PHF7: variants seen among roughly 807,000 people sequenced by gnomAD.
PHF7 encodes PHD finger protein 7.
A neutral mutation model predicts 47.5 loss-of-function variants in PHF7; 24 were observed. That is an observed-to-expected ratio of 0.51 (90% CI 0.37 to 0.71). PHF7 has a LOEUF of 0.71. PHF7 is among the 30% of genes least tolerant of loss of function. The pLI, the probability that PHF7 is intolerant of heterozygous loss-of-function variation, is 0.00. For synonymous variants in PHF7, 156 were observed against 153.8 expected (o/e 1.01, Z -0.11); for missense variants, 361 against 456.8 (o/e 0.79, Z 1.91).
At chr3:52,422,582 A>C in intron 9 of PHF7, 178 bp from the exon 10 acceptor site, 2 of 700,604 alleles carry the variant, frequency 2.9e-6, no homozygotes, top group Middle Eastern at 5.1e-4. Flanking sequence ...TTCCTAATCT[A>C]CCTTTCAAGG....
At chr3:52,422,538 G>A (rs924101535) in intron 9 of PHF7, 200 bp downstream of exon 9, 19 of 647,774 alleles carry the variant, frequency 2.9e-5, no homozygotes, top group Middle Eastern at 6.6e-4. Context: ...GCTTCACCTT[G>A]TGCCCAGTGG....
In PHF7 at chr3:52,414,487, C is replaced by G; in HGVS notation, c.95-9C>G. On this transcript the variant is annotated splice_polypyrimidine_tract_variant and intron_variant, in intron 3 of 10. Coordinates refer to ENST00000327906, the MANE Select transcript of PHF7 (RefSeq NM_016483.7). ...ATTTGAGCCAAATTCTGGGTGTCCT[C>G]TCTTCCAGTTTGCTGGCTATGCCTT... The G allele has an allele frequency of 6.3e-7, 1 of 1,577,102 alleles. No homozygotes were observed. The highest frequency in any genetic ancestry group is 1.1e-5 in the South Asian group (1 of 89,664).
At chr3:52,411,351 C>G (rs1705424875) in intron 1 of PHF7, 104 bp downstream of exon 1, 1 of 152,342 alleles carries the variant, frequency 6.6e-6, no homozygotes, top group Admixed American at 6.5e-5. Context: ...TCAGGACATG[C>G]CCTTCTCTCT....
chr3:52,417,082 A>G (rs1578241870), intron 4 of PHF7, among the ~76,000 whole-genome samples: 1 of 152,248 alleles, frequency 6.6e-6, no homozygotes, highest in East Asian at 1.9e-4. Context: ...TTACCTACCC[A>G]TAGAATTGCC....
chr3:52,422,124 T>TG, intron 8 of PHF7, 98 bp from the exon 9 acceptor site: 1 of 844,112 alleles, frequency 1.2e-6, no homozygotes, highest in Non-Finnish European at 2.1e-6. Context: ...ACTGAACTCT[T>TG]GCTGTGCTTA....
intron 4 of PHF7, among the ~76,000 whole-genome samples, chr3:52,415,662 C>T (rs1705601197): frequency 6.6e-6 from 1 of 152,166 alleles, no homozygotes; most frequent in Admixed American, 6.5e-5. Context: ...TGGCTTTTTT[C>T]TCCCAACACA....
At chr3:52,416,645 T>C (rs1433272363) in intron 4 of PHF7, among the ~76,000 whole-genome samples, 3 of 150,954 alleles carry the variant, frequency 2.0e-5, no homozygotes, top group Non-Finnish European at 3.0e-5. Flanking sequence ...CCATCCTGGC[T>C]AACACGGTGA....
intron 2 of PHF7, 52 bp from the exon 3 acceptor site, chr3:52,413,944 T>C (rs1705541764): frequency 8.1e-7 from 1 of 1,240,902 alleles, no homozygotes; most frequent in East Asian, 2.3e-5. Flanking sequence ...TTAAAAAGGT[T>C]ATCAACAAGA....
chr3:52,416,601 G>A (rs1384311873), intron 4 of PHF7, among the ~76,000 whole-genome samples: 1 of 151,552 alleles, frequency 6.6e-6, no homozygotes, highest in Non-Finnish European at 1.5e-5. Flanking sequence ...TTGGGAGGCC[G>A]AGGCGAGCAG....
intron 4 of PHF7, among the ~76,000 whole-genome samples, chr3:52,417,154 C>T (rs977597407): frequency 5.3e-5 from 8 of 152,130 alleles, no homozygotes; most frequent in Admixed American, 3.9e-4. Flanking sequence ...CTATTTATGT[C>T]ATTGATCTAT....
rs145247091 is a variant in PHF7, at chr3:52,420,944, A to G, written c.455A>G (p.His152Arg). ...DKHRPTQNIQ[H>R]GHVGEESCIL... The stretch of plus-strand genomic sequence containing the variant: ...CATCGCCCAACACAGAACATCCAAC[A>G]TGGGCATGTGGGGGAGGAAAGCTGC... The change falls in exon 7 of 11, where the codon CAT becomes CGT. Residue 152 changes from histidine to arginine, a missense_variant. Coordinates refer to ENST00000327906, the MANE Select transcript of PHF7 (RefSeq NM_016483.7). 8.1e-6 allele frequency: 13 copies of G among 1,613,288 alleles called. No individual in the cohort carries two copies. Among genetic ancestry groups the G allele is most frequent in the Non-Finnish European group, 1.1e-5 (13 of 1,179,558 alleles).
Position 52,420,430 on chromosome 3 carries a change from G to T in PHF7, c.408G>T (p.Glu136Asp), listed in dbSNP as rs936998733. Reference sequence around the variant, plus strand: ...GTTGCCTTTCACAATTTTTTGGAGAGTACAAGTGAGTGAGGGAAGGGAAAA... The same window carrying T: ...GTTGCCTTTCACAATTTTTTGGAGATTACAAGTGAGTGAGGGAAGGGAAAA... ...ERGCLSQFFG[E>D]YKSFCDKHRP... The change falls in exon 6 of 11, where the codon GAG (glutamate) becomes GAT (aspartate). Residue 136 changes from glutamate to aspartate, a missense_variant. Glu to Asp is a conservative substitution (Grantham distance 45, BLOSUM62 2). Coordinates refer to ENST00000327906, the MANE Select transcript of PHF7 (RefSeq NM_016483.7). 1 of 1,613,906 alleles carries T rather than the reference G, an allele frequency of 6.2e-7. No individual in the cohort carries two copies. The highest frequency in any genetic ancestry group is 1.7e-5 in the Admixed American group (1 of 59,982).
chr3:52,422,598 C>T (rs1311905437), intron 9 of PHF7, 162 bp from the exon 10 acceptor site: 21 of 768,570 alleles, frequency 2.7e-5, no homozygotes, highest in Non-Finnish European at 4.0e-5. Flanking sequence ...CAAGGGGTTA[C>T]GACTGATGGC....
rs1705409105 is a variant in PHF7 at position 52,411,012 on chromosome 3, T to A, written c.-305T>A. 1 of 152,286 alleles carries A rather than the reference T, an allele frequency of 6.6e-6. No homozygotes were observed. The highest frequency in any genetic ancestry group is 2.4e-5 in the African/African-American group (1 of 41,476). The allele number at this position is 152,286 out of a possible 1,614,324, so 9.4% of individuals were successfully genotyped here. ...GCGGGTCGAACACGTTTATTTATTT[T>A]TTATTTTCTCAACAAGCTTTTACCC... is the stretch of plus-strand genomic sequence containing the variant. On this transcript the variant is annotated 5_prime_UTR_variant, in exon 1 of 11. Coordinates refer to ENST00000327906, the MANE Select transcript of PHF7 (RefSeq NM_016483.7).
rs773421228 is a variant in PHF7 at position 52,414,037 on chromosome 3, C to G, written c.83C>G (p.Ser28Cys). The change falls in exon 3 of 11, where the codon TCT becomes TGT. Residue 28 changes from serine to cysteine, a missense_variant. Physicochemically the swap from Ser to Cys is moderately radical, Grantham distance 112. Transcript: ENST00000327906. ...AGGAGGGTAACCCAGAGGAAACCGT[C>G]TTCAGGGCCTGGTAAGAAAGACTGG... ...KTRRVTQRKPSSGPVCWLCLR... is the reference protein window; with the variant it reads ...KTRRVTQRKPCSGPVCWLCLR... 1 of 1,610,980 alleles carries G rather than the reference C, an allele frequency of 6.2e-7. No homozygotes were observed. Among genetic ancestry groups the G allele is most frequent in the Non-Finnish European group, 8.5e-7 (1 of 1,177,118 alleles).
At chr3:52,415,094 C>G (rs959313487) in intron 4 of PHF7, among the ~76,000 whole-genome samples, 1 of 152,236 alleles carries the variant, frequency 6.6e-6, no homozygotes, top group Non-Finnish European at 1.5e-5. Context: ...CAATCCTTCT[C>G]CCTCTCCCCA....
chr3:52,415,563 A>T (rs534631905), intron 4 of PHF7, among the ~76,000 whole-genome samples: 11 of 152,186 alleles, frequency 7.2e-5, no homozygotes, highest in Non-Finnish European at 1.6e-4. Flanking sequence ...ATCCCACTAG[A>T]CGTAATCACT....
At position 52,422,303 on chromosome 3, in the gene PHF7, G is replaced by A; in HGVS notation, c.762G>A (p.Leu254=). 1.9e-6 allele frequency: 3 copies of A among 1,613,156 alleles called. No homozygotes were observed. The highest frequency in any genetic ancestry group is 1.3e-5 in the African/African-American group (1 of 75,032). The part of the protein sequence containing the change: ...RYQHCDAPIC[L]YEQGRDSFED... ...AGCACTGTGATGCCCCCATCTGTCTGTATGAACAAGGCAGAGACAGCTTTG... is the reference window on the plus strand; with the variant it reads ...AGCACTGTGATGCCCCCATCTGTCTATATGAACAAGGCAGAGACAGCTTTG... Residue 254 remains leucine, a synonymous_variant, in exon 9 of 11, where the codon CTG becomes CTA. Transcript: ENST00000327906.
chr3:52,420,700 A>G (rs1705760519), intron 6 of PHF7, among the ~76,000 whole-genome samples: 1 of 152,188 alleles, frequency 6.6e-6, no homozygotes, highest in Non-Finnish European at 1.5e-5. Flanking sequence ...ACGAGAGGCT[A>G]TGGAGACAGT....
Sources: allele counts gnomAD v4.1 joint callset (sites outside exome capture counted in the v4.1 genomes callset), GRCh38; gene constraint gnomAD v4.1.1; transcripts MANE v1.5; gene names NCBI Gene and HGNC (gene_info 2026-07-23, HGNC 2026-07-21).